The following NCKAP5 variants were observed in gnomAD, a reference collection of about 807,000 sequenced individuals.
NCKAP5 encodes NCK associated protein 5.
Under a neutral mutation model 167.0 loss-of-function variants are expected in NCKAP5, and 92 were observed. That is an observed-to-expected ratio of 0.55 (90% confidence interval 0.47 to 0.66). The LOEUF (loss-of-function observed/expected upper bound fraction) is 0.66. NCKAP5 is among the 30% of genes least tolerant of loss of function. NCKAP5 has a pLI of 0.00. For missense variants in NCKAP5, 2,378 were observed against 2,315.0 expected (o/e 1.03, Z -0.56); for synonymous variants, 891 against 877.4 (o/e 1.02, Z -0.27).
At chr2:133,359,495 A>T (rs1467355217) in intron 3 of NCKAP5, among the ~76,000 whole-genome samples, 2 of 152,240 alleles carry the variant, frequency 1.3e-5, no homozygotes, top group Non-Finnish European at 2.9e-5. Flanking sequence ...CTAATGATCA[A>T]GAATCCATTT....
chr2:132,770,272 T>G (rs1681914183), intron 16 of NCKAP5, among the ~76,000 whole-genome samples: 1 of 151,700 alleles, frequency 6.6e-6, no homozygotes, highest in South Asian at 2.1e-4. Flanking sequence ...ACATTGTTGA[T>G]CTGCTACACA....
chr2:133,169,079 A>G (rs2084127831), intron 5 of NCKAP5, among the ~76,000 whole-genome samples: 1 of 152,222 alleles, frequency 6.6e-6, no homozygotes, highest in African/African-American at 2.4e-5. Context: ...ACTATACAGG[A>G]AAAATATACC....
At chr2:133,103,573 C>T (rs75889780) in intron 6 of NCKAP5, among the ~76,000 whole-genome samples, 8,006 of 152,120 alleles carry the variant, frequency 0.053, 683 homozygotes, top group African/African-American at 0.18. Flanking sequence ...GTGAGAGAAC[C>T]ACTTGAGGCC....
chr2:133,252,899 AC>A (rs1553602066), intron 4 of NCKAP5, among the ~76,000 whole-genome samples: 1 of 152,244 alleles, frequency 6.6e-6, no homozygotes, highest in Non-Finnish European at 1.5e-5. Flanking sequence ...AAAGCAAGCC[AC>A]AACCCTTTAC....
chr2:133,048,336 A>G (rs1415398002), intron 6 of NCKAP5, among the ~76,000 whole-genome samples: 1 of 152,234 alleles, frequency 6.6e-6, no homozygotes, highest in Non-Finnish European at 1.5e-5. Context: ...GGGGACAATT[A>G]AATGTGCCTG....
At chr2:132,955,948 A>C (rs911199707) in intron 8 of NCKAP5, among the ~76,000 whole-genome samples, 3 of 152,138 alleles carry the variant, frequency 2.0e-5, no homozygotes, top group African/African-American at 7.2e-5. Flanking sequence ...TGGCCACATA[A>C]ATAAGATCAA....
chr2:133,624,597 G>C, the NCKAP5 span, among the ~76,000 whole-genome samples: 1 of 151,622 alleles, frequency 6.6e-6, no homozygotes, highest in South Asian at 2.1e-4. Flanking sequence ...GCTCAAAATA[G>C]CAGCAAACAA....
intron 4 of NCKAP5, among the ~76,000 whole-genome samples, chr2:133,243,981 T>C (rs950146229): frequency 1.3e-5 from 2 of 152,220 alleles, no homozygotes; most frequent in Non-Finnish European, 2.9e-5. Context: ...TTTTCTTTTG[T>C]GGCTCCCTCA....
rs139336397 is a variant in NCKAP5 at position 132,736,853 on chromosome 2, G to T, written c.5129-4802C>A. On this transcript the variant is annotated intron_variant, in intron 16 of 19. Coordinates refer to ENST00000409261, the MANE Select transcript of NCKAP5 (RefSeq NM_207363.3). ...CCACAAATGTAAGTTCACATTTCTGGCTGTGAGTGTAGTTGCCCACAGGGC... is the reference window on the plus strand; with the variant it reads ...CCACAAATGTAAGTTCACATTTCTGTCTGTGAGTGTAGTTGCCCACAGGGC... Among the ~76,000 whole-genome samples the T allele has an allele frequency of 5.0e-3, 754 of 152,258 alleles. 10 individuals carry two copies. The highest frequency in any genetic ancestry group is 3.6e-3 in the Non-Finnish European group (247 of 68,004).
At chr2:133,568,506 A>T (rs1233027229), upstream of NCKAP5, 1 of 151,870 alleles carries the variant, frequency 6.6e-6, no homozygotes, top group Non-Finnish European at 1.5e-5. Flanking sequence ...CCCAAATGAC[A>T]TCACTGGCAG....
At chr2:132,995,989 T>G (rs1461625893) in intron 6 of NCKAP5, among the ~76,000 whole-genome samples, 1 of 152,106 alleles carries the variant, frequency 6.6e-6, no homozygotes, top group East Asian at 1.9e-4. Flanking sequence ...AAAAAATTTT[T>G]TTTACATTAT....
chr2:132,873,464 T>C (rs79566062), intron 9 of NCKAP5, among the ~76,000 whole-genome samples: 3,900 of 152,186 alleles, frequency 0.026, 180 homozygotes, highest in African/African-American at 0.088. Context: ...GCGTGAGGGG[T>C]ATGTATATGT....
At chr2:133,221,088 T>C (rs1472683160) in intron 4 of NCKAP5, among the ~76,000 whole-genome samples, 1 of 150,182 alleles carries the variant, frequency 6.7e-6, no homozygotes, top group Non-Finnish European at 1.5e-5. Flanking sequence ...AAACTGTTAA[T>C]ATGTGAAATA....
chr2:133,298,723 A>T (rs1680138627), intron 4 of NCKAP5, among the ~76,000 whole-genome samples: 1 of 152,196 alleles, frequency 6.6e-6, no homozygotes, highest in South Asian at 2.1e-4. Flanking sequence ...GGAAAAATAA[A>T]ATATTCCGTA....
chr2:132,826,420 T>C lies in NCKAP5; in HGVS notation c.808-29691A>G, dbSNP rs77080319. On this transcript the variant is annotated intron_variant, in intron 11 of 19. Transcript: ENST00000409261. ...ACAGCACACCTGTTGTTTATGCATA[T>C]TGTACTCAGGAAGGGCCTTCTGGAA... Among the ~76,000 whole-genome samples the C allele has an allele frequency of 2.1e-3, 324 of 152,282 alleles. 2 individuals carry two copies. Among genetic ancestry groups the C allele is most frequent in the African/African-American group, 7.2e-3 (300 of 41,546 alleles).
At position 133,072,789 on chromosome 2, in the gene NCKAP5, T is replaced by G. The variant is rs553831012; in HGVS notation, c.341+57189A>C. ...ACAAAAATTAAGTATGTTTCAAAAA[T>G]TGAACCAAGTCACGTTTGAGAAACA... is the stretch of plus-strand genomic sequence containing the variant. On this transcript the variant is annotated intron_variant, in intron 6 of 19. Transcript: ENST00000409261. 2.0e-4 allele frequency among the ~76,000 whole-genome samples: 31 copies of G among 152,276 alleles called. No individual in the cohort carries two copies. In the South Asian group the frequency reaches 2.5e-3, roughly 12 times the overall value.
intron 6 of NCKAP5, among the ~76,000 whole-genome samples, chr2:133,102,439 G>C (rs775528519): frequency 3.9e-5 from 6 of 152,096 alleles, no homozygotes; most frequent in Non-Finnish European, 8.8e-5. Flanking sequence ...GAGCCATCAC[G>C]CCTGGCCTTT....
intron 3 of NCKAP5, among the ~76,000 whole-genome samples, chr2:133,354,033 A>C (rs187561087): frequency 6.6e-6 from 1 of 152,318 alleles, no homozygotes; most frequent in East Asian, 1.9e-4. Flanking sequence ...GCAGGCTAAA[A>C]GAGCACACTG....
At chr2:132,871,998 G>T (rs943777491) in intron 9 of NCKAP5, among the ~76,000 whole-genome samples, 12 of 152,288 alleles carry the variant, frequency 7.9e-5, no homozygotes, top group Non-Finnish European at 1.2e-4. Context: ...CTAACATTAT[G>T]CCCTAAACAT....
Sources: gnomAD v4.1 joint callset for allele counts (sites outside exome capture counted in the v4.1 genomes callset) on GRCh38, gnomAD v4.1.1 for gene constraint, MANE v1.5 for transcripts, NCBI Gene and HGNC (gene_info 2026-07-23, HGNC 2026-07-21) for gene names.